The following FBN2 variants were observed in gnomAD, a reference collection of about 807,000 sequenced individuals.
The protein encoded by FBN2 is fibrillin-2.
In FBN2, 105 loss-of-function variants were observed where a neutral mutation model predicts 355.6. That is an observed-to-expected ratio of 0.30 (90% CI 0.25 to 0.35). The LOEUF is 0.35. FBN2 is among the 10% of genes least tolerant of loss of function. The pLI is 1.00. For synonymous variants in FBN2, 1,350 were observed against 1,301.2 expected (o/e 1.04, Z -0.81); for missense variants, 3,280 against 3,758.7 (o/e 0.87, Z 3.33).
chr5:128,359,481 A>T (rs900117799), intron 19 of FBN2, among the ~76,000 whole-genome samples: 1 of 152,092 alleles, frequency 6.6e-6, no homozygotes, highest in African/African-American at 2.4e-5. Flanking sequence ...TGCAAATAAC[A>T]GTGGGAAGAA....
intron 25 of FBN2, among the ~76,000 whole-genome samples, chr5:128,342,955 T>G (rs556182879): frequency 2.0e-5 from 3 of 152,234 alleles, no homozygotes; most frequent in Admixed American, 1.3e-4. Context: ...CTCAAACTCC[T>G]GACCCCAGGT....
chr5:128,376,864 G>A lies in FBN2; in HGVS notation c.1850-11C>T, dbSNP rs1752093828. 2 of 1,612,710 alleles carry A rather than the reference G, an allele frequency of 1.2e-6. No individual in the cohort carries two copies. The highest frequency in any genetic ancestry group is 2.7e-5 in the African/African-American group (2 of 74,958). ...TACATTCATCATGATCTGCAGAAGA[G>A]GATTGAGTGACTTTGAACACTGGCC... On this transcript the variant is annotated splice_polypyrimidine_tract_variant and intron_variant, in intron 13 of 64. Transcript: ENST00000262464.
intron 3 of FBN2, 23 bp downstream of exon 3, chr5:128,530,572 A>C: frequency 6.5e-7 from 1 of 1,529,886 alleles, no homozygotes; most frequent in Non-Finnish European, 9.1e-7. Flanking sequence ...ATGCAGTGAA[A>C]AGGCCACAAG....
At chr5:128,329,162 A>G (rs373610823) in intron 33 of FBN2, among the ~76,000 whole-genome samples, 2 of 152,328 alleles carry the variant, frequency 1.3e-5, no homozygotes, top group South Asian at 4.1e-4. Context: ...GAAAAAGAAC[A>G]TTGGAATTAA....
chr5:128,409,371 T>C (rs1316532936), intron 7 of FBN2, among the ~76,000 whole-genome samples: 1 of 152,182 alleles, frequency 6.6e-6, no homozygotes, highest in Non-Finnish European at 1.5e-5. Flanking sequence ...TTGGGAGGCT[T>C]TGGGAAGTGT....
chr5:128,265,222 G>A (rs974625374), intron 62 of FBN2, among the ~76,000 whole-genome samples: 1 of 152,094 alleles, frequency 6.6e-6, no homozygotes, highest in African/African-American at 2.4e-5. Context: ...TTCCTATGCA[G>A]TGTTTCTCTC....
intron 5 of FBN2, among the ~76,000 whole-genome samples, chr5:128,470,725 T>C (rs902141524): frequency 6.6e-6 from 1 of 152,190 alleles, no homozygotes; most frequent in Non-Finnish European, 1.5e-5. Context: ...CATGAGGCCC[T>C]ACTTGAGAAG....
chr5:128,504,150 C>T (rs997184753), intron 5 of FBN2, among the ~76,000 whole-genome samples: 2 of 152,130 alleles, frequency 1.3e-5, no homozygotes, highest in South Asian at 2.1e-4. Context: ...GGGAACTCCA[C>T]CTAGATTTTA....
chr5:128,378,332 G>T (rs1278087429), intron 12 of FBN2, among the ~76,000 whole-genome samples: 2 of 152,182 alleles, frequency 1.3e-5, no homozygotes, highest in Admixed American at 6.6e-5. Context: ...TCTGCTAAAA[G>T]AATTCTGAGA....
Position 128,297,431 on chromosome 5 carries a change from G to T in FBN2, c.6166+3386C>A, listed in dbSNP as rs192005524. 9.2e-5 allele frequency among the ~76,000 whole-genome samples: 14 copies of T among 152,264 alleles called. No homozygotes were observed. In the East Asian group the frequency reaches 2.7e-3, roughly 29 times the overall value. On this transcript the variant is annotated intron_variant, in intron 48 of 64. Coordinates refer to ENST00000262464, the MANE Select transcript of FBN2 (RefSeq NM_001999.4). Reference sequence around the variant, plus strand: ...CTCGTTGATCTGTCTAATGTTGACAGTGGGGTGTTAAAGTCTCCCATTATT... The same window carrying T: ...CTCGTTGATCTGTCTAATGTTGACATTGGGGTGTTAAAGTCTCCCATTATT...
intron 48 of FBN2, among the ~76,000 whole-genome samples, chr5:128,297,705 C>G (rs1749566943): frequency 6.6e-6 from 1 of 152,158 alleles, no homozygotes; most frequent in Non-Finnish European, 1.5e-5. Flanking sequence ...CTTCCTCCAT[C>G]CTTTTATTTT....
At chr5:128,280,791 C>G (rs1437945811) in intron 55 of FBN2, among the ~76,000 whole-genome samples, 1 of 152,128 alleles carries the variant, frequency 6.6e-6, no homozygotes, top group Non-Finnish European at 1.5e-5. Flanking sequence ...ATCACAGGAA[C>G]AACTATGGTC....
intron 6 of FBN2, among the ~76,000 whole-genome samples, chr5:128,455,537 A>G (rs1031425167): frequency 6.6e-6 from 1 of 152,170 alleles, no homozygotes; most frequent in African/African-American, 2.4e-5. Flanking sequence ...GACTAGAAGC[A>G]GCGTCTCTCA....
chr5:128,409,911 GCCTTTCTT>G (rs1753021066), intron 7 of FBN2, among the ~76,000 whole-genome samples: 1 of 152,104 alleles, frequency 6.6e-6, no homozygotes, highest in South Asian at 2.1e-4. Context: ...GGTTGCCAAT[GCCTTTCTT>G]ACATCCTTTT....
rs369638207 is a variant in FBN2, at chr5:128,361,745, C to T, written c.2532G>A (p.Arg844=). 1.9e-6 allele frequency: 3 copies of T among 1,614,048 alleles called. No homozygotes were observed. The African/African-American group carries it at 4.0e-5, about 22-fold the overall frequency. Residue 844 remains arginine, a synonymous_variant, in exon 19 of 65, where the codon AGG becomes AGA. Coordinates refer to ENST00000262464, the MANE Select transcript of FBN2 (RefSeq NM_001999.4). ...TACCTTCACAGGTCTCTGTCTCAGT[C>T]CTGAACACATACCCTGGTGGGCACG... ...SCTCPPGYVF[R]TETETCEDIN... is the part of the protein sequence containing the mutation.
intron 5 of FBN2, among the ~76,000 whole-genome samples, chr5:128,489,983 A>T (rs1404528753): frequency 6.6e-6 from 1 of 152,180 alleles, no homozygotes; most frequent in African/African-American, 2.4e-5. Flanking sequence ...TCTCAGTGCA[A>T]TCATTTACTA....
chr5:128,298,009 G>T (rs1199184368), intron 48 of FBN2, among the ~76,000 whole-genome samples: 6 of 150,850 alleles, frequency 4.0e-5, no homozygotes. Context: ...ACTTCCTTCA[G>T]GAGCTCTTTT....
At position 128,261,733 on chromosome 5, in the gene FBN2, C is replaced by T; in HGVS notation, c.8364+3G>A. 6.2e-7 allele frequency: 1 copy of T among 1,614,090 alleles called. No homozygotes were observed. The highest frequency in any genetic ancestry group is 8.5e-7 in the Non-Finnish European group (1 of 1,179,922). On this transcript the variant is annotated splice_donor_region_variant and intron_variant, in intron 64 of 64. Transcript: ENST00000262464. ...GTGGCAACACAGAGTGGGATATACTCACAGCAGTGGGATCAGGTTCATGAA... is the reference window on the plus strand; with the variant it reads ...GTGGCAACACAGAGTGGGATATACTTACAGCAGTGGGATCAGGTTCATGAA...
At chr5:128,297,099 A>C (rs1326352363) in intron 48 of FBN2, among the ~76,000 whole-genome samples, 1 of 152,084 alleles carries the variant, frequency 6.6e-6, no homozygotes, top group African/African-American at 2.4e-5. Flanking sequence ...TTATGTACCC[A>C]GTAGTCATTC....
Sources: gnomAD v4.1 joint callset for allele counts (sites outside exome capture counted in the v4.1 genomes callset) on GRCh38, gnomAD v4.1.1 for gene constraint, MANE v1.5 for transcripts, NCBI Gene and HGNC (gene_info 2026-07-23, HGNC 2026-07-21) for gene names.